PIP5KL1: variants seen among roughly 807,000 people sequenced by gnomAD.
PIP5KL1 encodes phosphatidylinositol-4-phosphate 5-kinase like 1, also known as phosphatidylinositol 4-phosphate 5-kinase-like protein 1.
A neutral mutation model predicts 47.6 loss-of-function variants in PIP5KL1; 45 were observed. The ratio of observed to expected loss-of-function variants is 0.94; its 90% CI spans 0.74 to 1.21. PIP5KL1 has a LOEUF of 1.21. Ranked by LOEUF, PIP5KL1 falls within the 50% of genes most tolerant of loss-of-function variation. The pLI is 0.00. For missense variants in PIP5KL1, 577 were observed against 547.6 expected, an observed-to-expected ratio of 1.05 and a Z score of -0.54; for synonymous variants, 256 against 234.6, an observed-to-expected ratio of 1.09 and a Z score of -0.84.
rs1253494783 is a variant in PIP5KL1 at position 127,927,259 on chromosome 9, C to G, written c.594+38G>C. ...GAGGCCGGCTGTCGCCCTCCAGCCG[C>G]CCGCTCCGCCCAGCCACCTCGCCTC... On this transcript the variant is annotated intron_variant, in intron 6 of 9. Transcript: ENST00000388747. The surrounding 1 kb of genome is among the most constrained non-coding windows in gnomAD (Gnocchi z 5.5). 6.2e-7 allele frequency: 1 copy of G among 1,611,256 alleles called. No homozygotes were observed. The highest frequency in any genetic ancestry group is 1.7e-5 in the Admixed American group (1 of 59,744).
At chr9:127,924,941 C>T (rs977069710) in intron 9 of PIP5KL1, among the ~76,000 whole-genome samples, 166 bp downstream of exon 9, 1 of 152,038 alleles carries the variant, frequency 6.6e-6, no homozygotes, top group Non-Finnish European at 1.5e-5. Context: ...CATGCACTCA[C>T]ACATATGCAC....
In PIP5KL1 at chr9:127,921,750, T is replaced by TA; in HGVS notation, c.*96_*97insT. On this transcript the variant is annotated 3_prime_UTR_variant, in exon 10 of 10. Coordinates refer to ENST00000388747, the MANE Select transcript of PIP5KL1 (RefSeq NM_001135219.2). ...AGGGGATGCTGCCCTCTGGCGACCA[T>TA]CAGGAGGAAGCGCAGGCGAGATGCC... The TA allele has an allele frequency of 1.4e-6, 2 of 1,435,576 alleles. No individual in the cohort carries two copies. The highest frequency in any genetic ancestry group is 9.2e-7 in the Non-Finnish European group (1 of 1,085,978). 88.9% of individuals were successfully genotyped at this position (1,435,576 alleles called of 1,614,324 possible). A position where few individuals can be genotyped will look rare whatever the true frequency, so the allele number is the denominator to read the frequency against.
At position 127,928,072 on chromosome 9, in the gene PIP5KL1, A is replaced by T. The variant is rs1467543855; in HGVS notation, c.427T>A (p.Phe143Ile). 6.4e-7 allele frequency: 1 copy of T among 1,568,238 alleles called. No individual in the cohort carries two copies. Among genetic ancestry groups the T allele is most frequent in the Admixed American group, 1.9e-5 (1 of 52,042 alleles). Residue 143 changes from phenylalanine (F) to isoleucine (I), a missense_variant, in exon 4 of 10, where the codon TTC becomes ATC. Physicochemically the swap from Phe to Ile is conservative, Grantham distance 21. Coordinates refer to ENST00000388747, the MANE Select transcript of PIP5KL1 (RefSeq NM_001135219.2). ...CCCCTGCCGCAAGCTCACGACAGGA[A>T]GAAGCTGGCCTTGCTCTTGGAGGTG... ...LSTSKSKASFFLSHDQRFFLK... is the reference protein window; with the variant it reads ...LSTSKSKASFILSHDQRFFLK...
chr9:127,923,911 T>G (rs1321172802), intron 9 of PIP5KL1, among the ~76,000 whole-genome samples: 1 of 152,212 alleles, frequency 6.6e-6, no homozygotes, highest in African/African-American at 2.4e-5. Context: ...GTTCTCACAT[T>G]TCTCAAATGG....
intron 8 of PIP5KL1, chr9:127,925,515 G>C: frequency 2.0e-6 from 1 of 497,506 alleles, no homozygotes; most frequent in East Asian, 3.9e-5. Context: ...GCACAGGCTG[G>C]AGTGCAGTGG....
chr9:127,927,060 G>T lies in PIP5KL1; in HGVS notation c.650+93C>A, dbSNP rs988796198. The T allele has an allele frequency of 6.2e-5, 85 of 1,381,588 alleles. No individual in the cohort carries two copies. The highest frequency in any genetic ancestry group is 5.0e-5 in the Admixed American group (2 of 39,626). The allele number at this position is 1,381,588 out of a possible 1,614,324, so 85.6% of individuals were successfully genotyped here. On this transcript the variant is annotated intron_variant, in intron 7 of 9. Transcript: ENST00000388747. The surrounding 1 kb of genome is among the most constrained non-coding windows in gnomAD (Gnocchi z 5.5). Reference sequence around the variant, plus strand: ...TTGGGAACGCCCCTTCTCCTTCCTGGGCCTCGGTTTCACCGTCTGGCTAGT... The same window carrying T: ...TTGGGAACGCCCCTTCTCCTTCCTGTGCCTCGGTTTCACCGTCTGGCTAGT...
At chr9:127,925,299 T>C (rs761876469) in intron 8 of PIP5KL1, 39 bp from the exon 9 acceptor site, 2 of 1,602,700 alleles carry the variant, frequency 1.2e-6, no homozygotes, top group Non-Finnish European at 1.7e-6. Context: ...GCGCTCATCA[T>C]GTGCCAGCCA....
intron 1 of PIP5KL1, 79 bp downstream of exon 1, chr9:127,930,644 C>G (rs1043031858): frequency 4.9e-6 from 7 of 1,436,536 alleles, no homozygotes; most frequent in South Asian, 4.2e-5. Flanking sequence ...GGGGCGTGTC[C>G]GCGCCGCTCG....
In PIP5KL1 at chr9:127,927,305, C is replaced by T. The variant is rs1831377364; in HGVS notation, c.586G>A (p.Gly196Arg). 1 of 1,610,580 alleles carries T rather than the reference C, an allele frequency of 6.2e-7. No individual in the cohort carries two copies. Among genetic ancestry groups the T allele is most frequent in the Admixed American group, 1.7e-5 (1 of 59,770 alleles). Residue 196 changes from glycine (G) to arginine (R), a missense_variant, in exon 6 of 10, where the codon GGA becomes AGA. By Grantham distance (125) the Gly-to-Arg change is moderately radical. Transcript: ENST00000388747. The surrounding 1 kb of genome is among the most constrained non-coding windows in gnomAD (Gnocchi z 5.5). ...GCCTCGGCTTCACCCACCTTCTTTCCCCGGTCCACCCGCAGACTGTGCACT... is the reference window on the plus strand; with the variant it reads ...GCCTCGGCTTCACCCACCTTCTTTCTCCGGTCCACCCGCAGACTGTGCACT... ...LGVHSLRVDRGKKTYFIVMQS... is the reference protein window; with the variant it reads ...LGVHSLRVDRRKKTYFIVMQS...
Position 127,921,775 on chromosome 9 carries a change from C to T in PIP5KL1, c.*72G>A. ...TCAGGAGGAAGCGCAGGCGAGATGC[C>T]CGGGCCCGGGGGAACCGGCGTTCCT... On this transcript the variant is annotated 3_prime_UTR_variant, in exon 10 of 10. Coordinates refer to ENST00000388747, the MANE Select transcript of PIP5KL1 (RefSeq NM_001135219.2). 6.7e-7 allele frequency: 1 copy of T among 1,482,576 alleles called. No individual in the cohort carries two copies. The highest frequency in any genetic ancestry group is 9.0e-7 in the Non-Finnish European group (1 of 1,117,042). The allele number at this position is 1,482,576 out of a possible 1,614,324, so 91.8% of individuals were successfully genotyped here.
intron 7 of PIP5KL1, among the ~76,000 whole-genome samples, chr9:127,926,895 T>C (rs543597353): frequency 6.6e-6 from 1 of 152,334 alleles, no homozygotes; most frequent in South Asian, 2.1e-4. Flanking sequence ...GTTTCTCATC[T>C]AGGAAGGAGG....
At chr9:127,928,264 G>A (rs777112748) in intron 3 of PIP5KL1, 45 bp from the exon 4 acceptor site, 2 of 1,529,348 alleles carry the variant, frequency 1.3e-6, no homozygotes, top group African/African-American at 1.4e-5. Flanking sequence ...GCGTGGGCCC[G>A]GGTGTGTGCA....
At chr9:127,924,653 C>G (rs1298435140) in intron 9 of PIP5KL1, among the ~76,000 whole-genome samples, 1 of 133,936 alleles carries the variant, frequency 7.5e-6, no homozygotes, top group Non-Finnish European at 1.6e-5. Context: ...GAAACTCCAT[C>G]TCAAAAAAAA....
rs1440888385 is a variant in PIP5KL1 at position 127,927,246 on chromosome 9, C to G, written c.595-38G>C. 2 of 1,611,272 alleles carry G rather than the reference C, an allele frequency of 1.2e-6. No individual in the cohort carries two copies. The highest frequency in any genetic ancestry group is 1.7e-5 in the Admixed American group (1 of 59,792). ...ACAGGGAGTGAGGGAGGCCGGCTGT[C>G]GCCCTCCAGCCGCCCGCTCCGCCCA... On this transcript the variant is annotated intron_variant, in intron 6 of 9. Coordinates refer to ENST00000388747, the MANE Select transcript of PIP5KL1 (RefSeq NM_001135219.2). The surrounding 1 kb of genome is among the most constrained non-coding windows in gnomAD (Gnocchi z 5.5).
Position 127,929,900 on chromosome 9 carries a change from C to T in PIP5KL1, c.31-15G>A. On this transcript the variant is annotated splice_polypyrimidine_tract_variant and intron_variant, in intron 1 of 9. Coordinates refer to ENST00000388747, the MANE Select transcript of PIP5KL1 (RefSeq NM_001135219.2). The surrounding 1 kb of genome is among the most constrained non-coding windows in gnomAD (Gnocchi z 4.0). ...GGGGCCAGGACCTGGTGGGAGGAGG[C>T]ACAGGACACAGCCTGTGGCAGCGTC... 2 of 1,510,904 alleles carry T rather than the reference C, an allele frequency of 1.3e-6. No individual in the cohort carries two copies. Among genetic ancestry groups the T allele is most frequent in the Non-Finnish European group, 1.8e-6 (2 of 1,127,248 alleles). The allele number at this position is 1,510,904 out of a possible 1,614,324, so 93.6% of individuals were successfully genotyped here. A position where few individuals can be genotyped will look rare whatever the true frequency, so the allele number is the denominator to read the frequency against.
chr9:127,927,775 G>A lies in PIP5KL1; in HGVS notation c.435-3C>T, dbSNP rs1158709509. On this transcript the variant is annotated splice_region_variant and splice_polypyrimidine_tract_variant and intron_variant, in intron 4 of 9. Transcript: ENST00000388747. The surrounding 1 kb of genome is among the most constrained non-coding windows in gnomAD (Gnocchi z 5.5). ...TCAGGAAGAAGCGCTGGTCGTGGCT[G>A]GGGGGCAAGAGAAAGAGGTCACTGC... The A allele has an allele frequency of 4.5e-6, 7 of 1,560,090 alleles. No individual in the cohort carries two copies. Among genetic ancestry groups the A allele is most frequent in the Non-Finnish European group, 6.1e-6 (7 of 1,153,532 alleles).
At chr9:127,925,418 T>C (rs915875187) in intron 8 of PIP5KL1, 158 bp from the exon 9 acceptor site, 2 of 774,190 alleles carry the variant, frequency 2.6e-6, no homozygotes, top group Non-Finnish European at 4.0e-6. Context: ...TAGGAAGTCA[T>C]GGAGCCTGAA....
chr9:127,925,117 G>C lies in PIP5KL1; in HGVS notation c.907C>G (p.Arg303Gly). The C allele has an allele frequency of 6.2e-7, 1 of 1,613,908 alleles. No individual in the cohort carries two copies. The highest frequency in any genetic ancestry group is 1.1e-5 in the South Asian group (1 of 91,006). The change falls in exon 9 of 10, where the codon CGC (arginine) becomes GGC (glycine). Residue 303 changes from arginine (R) to glycine (G), a missense_variant. By Grantham distance (125) the Arg-to-Gly change is moderately radical. Coordinates refer to ENST00000388747, the MANE Select transcript of PIP5KL1 (RefSeq NM_001135219.2). The stretch of plus-strand genomic sequence containing the variant: ...CTGTGGGAGGCTCACCTGGCCGTGC[G>C]GAAGATGAGGCTGCTGCCCGGGCCC... ...ERGPGSSLIFRTARSVQGAQS... is the reference protein window; with the variant it reads ...ERGPGSSLIFGTARSVQGAQS...
rs1831277470 is a variant in PIP5KL1, at chr9:127,921,306, C to G, written c.*541G>C. On this transcript the variant is annotated 3_prime_UTR_variant, in exon 10 of 10. Transcript: ENST00000388747. Reference sequence around the variant, plus strand: ...ACCCCTGCTTCTCCCACCTGCATCCCTAGAGTATCAGGCCAGGAGCAGGGG... The same window carrying G: ...ACCCCTGCTTCTCCCACCTGCATCCGTAGAGTATCAGGCCAGGAGCAGGGG... The G allele has an allele frequency of 6.5e-6, 1 of 153,890 alleles. No individual in the cohort carries two copies. Among genetic ancestry groups the G allele is most frequent in the South Asian group, 2.0e-4 (1 of 5,062 alleles). 9.5% of individuals were successfully genotyped at this position (153,890 alleles called of 1,614,324 possible).
Sources: allele counts gnomAD v4.1 joint callset (sites outside exome capture counted in the v4.1 genomes callset), GRCh38; gene constraint gnomAD v4.1.1; non-coding constraint Gnocchi (gnomAD v3.1); transcripts MANE v1.5; gene names NCBI Gene and HGNC (gene_info 2026-07-23, HGNC 2026-07-21).